Variants in SPATA6 observed in about 807,000 individuals in gnomAD.
The protein encoded by SPATA6 is spermatogenesis associated 6, also known as spermatogenesis-associated protein 6.
Under a neutral mutation model 65.3 loss-of-function variants are expected in SPATA6, and 56 were observed. The ratio of observed to expected loss-of-function variants is 0.86; its 90% CI spans 0.69 to 1.07. SPATA6 has a LOEUF of 1.07. SPATA6 is among the 50% of genes least tolerant of loss of function. The pLI is 0.00. For missense variants in SPATA6, 590 were observed against 594.8 expected (o/e 0.99, Z 0.08); for synonymous variants, 199 against 213.2 (o/e 0.93, Z 0.58).
intron 6 of SPATA6, 40 bp downstream of exon 6, chr1:48,403,762 T>C (rs770203729): frequency 6.7e-7 from 1 of 1,497,754 alleles, no homozygotes; most frequent in Non-Finnish European, 9.0e-7. Context: ...TATGACCAAA[T>C]AAATTAAACC....
the SPATA6 span, among the ~76,000 whole-genome samples, chr1:48,285,477 G>GA: frequency 3.7e-3 from 477 of 127,714 alleles, 4 homozygotes; most frequent in East Asian, 0.035. Flanking sequence ...ACTGGGGTAT[G>GA]AAAAAAAAAA....
chr1:48,428,888 TG>T (rs1218415114), intron 3 of SPATA6, among the ~76,000 whole-genome samples: 1 of 151,230 alleles, frequency 6.6e-6, no homozygotes, highest in African/African-American at 2.4e-5. Context: ...TGTGTGTGTG[TG>T]TGTTTGTGTG....
chr1:48,319,362 C>T (rs78080162), intron 11 of SPATA6, among the ~76,000 whole-genome samples: 3,744 of 152,190 alleles, frequency 0.025, 99 homozygotes, highest in African/African-American at 0.067. Context: ...ACCTTATTAT[C>T]TAAGATGGGA....
rs557947551 is a variant in SPATA6, at chr1:48,306,034, A to G, written c.1195-156T>C. On this transcript the variant is annotated intron_variant, in intron 11 of 12. Coordinates refer to ENST00000371847, the MANE Select transcript of SPATA6 (RefSeq NM_019073.4). Reference sequence around the variant, plus strand: ...GTGTTTCTTTGGGGGGAAAAAGGTTAAGTGATGATTTACTATCCTTTTCAA... The same window carrying G: ...GTGTTTCTTTGGGGGGAAAAAGGTTGAGTGATGATTTACTATCCTTTTCAA... Among the ~76,000 whole-genome samples the G allele has an allele frequency of 2.6e-5, 4 of 152,130 alleles. No homozygotes were observed. The East Asian group carries it at 7.7e-4, about 29-fold the overall frequency.
the SPATA6 span, among the ~76,000 whole-genome samples, chr1:48,265,024 A>G: frequency 6.6e-6 from 1 of 152,166 alleles, no homozygotes; most frequent in African/African-American, 2.4e-5. Flanking sequence ...CTAATGGCCT[A>G]CTTCTCCTCT....
the SPATA6 span, among the ~76,000 whole-genome samples, chr1:48,284,412 T>A: frequency 6.6e-6 from 1 of 152,174 alleles, no homozygotes; most frequent in Non-Finnish European, 1.5e-5. Flanking sequence ...ATTATGCACC[T>A]TCTGAAGCCT....
intron 12 of SPATA6, among the ~76,000 whole-genome samples, chr1:48,300,075 A>C (rs1459587494): frequency 6.6e-6 from 1 of 152,198 alleles, no homozygotes; most frequent in Non-Finnish European, 1.5e-5. Context: ...GAGGAAGCCC[A>C]TAGGAAGCTA....
chr1:48,357,246 A>G (rs767160831), intron 10 of SPATA6, among the ~76,000 whole-genome samples: 8 of 152,142 alleles, frequency 5.3e-5, no homozygotes, highest in Non-Finnish European at 7.4e-5. Flanking sequence ...CACAAATTTT[A>G]TATTATAATA....
chr1:48,447,391 C>T (rs1656157767), intron 3 of SPATA6, among the ~76,000 whole-genome samples: 1 of 152,084 alleles, frequency 6.6e-6, no homozygotes, highest in African/African-American at 2.4e-5. Context: ...TGGTGTCACG[C>T]ACCTGTAGTC....
At chr1:48,419,204 T>C (rs1445535788) in intron 3 of SPATA6, among the ~76,000 whole-genome samples, 4 of 152,176 alleles carry the variant, frequency 2.6e-5, no homozygotes, top group African/African-American at 9.7e-5. Flanking sequence ...ACAAGGTAAG[T>C]ACTACCTCTA....
intron 11 of SPATA6, among the ~76,000 whole-genome samples, chr1:48,332,817 C>A (rs1645953753): frequency 6.6e-6 from 1 of 152,104 alleles, no homozygotes; most frequent in South Asian, 2.1e-4. Flanking sequence ...ATCAGCCATG[C>A]AATAAGACAT....
chr1:48,452,555 T>C (rs1346914504), intron 2 of SPATA6, among the ~76,000 whole-genome samples: 2 of 152,078 alleles, frequency 1.3e-5, no homozygotes, highest in Non-Finnish European at 2.9e-5. Flanking sequence ...GGCTATTTTT[T>C]GTATTTTTAG....
chr1:48,298,156 T>G lies in SPATA6; in HGVS notation c.*557A>C, dbSNP rs1268112590. On this transcript the variant is annotated 3_prime_UTR_variant, in exon 13 of 13. Transcript: ENST00000371847. ...GAAAAAGGAGTGAATGATCATATAG[T>G]CTTTAAAAAGAAAGCCTATGAGCTA... is the stretch of plus-strand genomic sequence containing the variant. The G allele has an allele frequency of 6.6e-6, 1 of 152,208 alleles. No homozygotes were observed. Among genetic ancestry groups the G allele is most frequent in the African/African-American group, 2.4e-5 (1 of 41,464 alleles). 9.4% of individuals were successfully genotyped at this position (152,208 alleles called of 1,614,324 possible). A position where few individuals can be genotyped will look rare whatever the true frequency, so the allele number is the denominator to read the frequency against.
chr1:48,352,083 C>T lies in SPATA6; in HGVS notation c.1194+3587G>A, dbSNP rs183054550. ...AGGTATAATTGGACTTACAGTTCCA[C>T]GTGGCTGGGGAAGCCTCACAATCAT... On this transcript the variant is annotated intron_variant, in intron 11 of 12. Transcript: ENST00000371847. Among the ~76,000 whole-genome samples the T allele has an allele frequency of 5.9e-5, 9 of 152,126 alleles. No homozygotes were observed. In the South Asian group the frequency reaches 6.2e-4, roughly 11 times the overall value.
At chr1:48,463,351 T>G (rs60691841) in intron 1 of SPATA6, among the ~76,000 whole-genome samples, 6,726 of 150,500 alleles carry the variant, frequency 0.045, 507 homozygotes, top group African/African-American at 0.15. Context: ...TGTGTATAGG[T>G]AGGGGGGAGA....
chr1:48,413,206 A>T, intron 3 of SPATA6, 55 bp from the exon 4 acceptor site: 1 of 1,049,144 alleles, frequency 9.5e-7, no homozygotes, highest in Non-Finnish European at 1.3e-6. Context: ...CAAAAAAATT[A>T]CTTAATTTAC....
intron 1 of SPATA6, among the ~76,000 whole-genome samples, chr1:48,460,493 A>T (rs1344535023): frequency 1.3e-5 from 2 of 152,162 alleles, no homozygotes; most frequent in East Asian, 3.8e-4. Flanking sequence ...ATTGCCCCTA[A>T]TATCAGCAAA....
At chr1:48,386,226 T>C (rs1326430273) in intron 8 of SPATA6, among the ~76,000 whole-genome samples, 1 of 152,250 alleles carries the variant, frequency 6.6e-6, no homozygotes, top group African/African-American at 2.4e-5. Context: ...ATCTATCACA[T>C]AGTGGATTTT....
intron 3 of SPATA6, among the ~76,000 whole-genome samples, chr1:48,447,679 A>C (rs1257429092): frequency 6.6e-6 from 1 of 152,208 alleles, no homozygotes; most frequent in Non-Finnish European, 1.5e-5. Context: ...TAAATGTAAA[A>C]AAGTTAAAAT....
Sources: gnomAD v4.1 joint callset for allele counts (sites outside exome capture counted in the v4.1 genomes callset) on GRCh38, gnomAD v4.1.1 for gene constraint, MANE v1.5 for transcripts, NCBI Gene and HGNC (gene_info 2026-07-23, HGNC 2026-07-21) for gene names.